WDR47: variants seen among roughly 807,000 people sequenced by gnomAD.
WDR47 encodes WD repeat domain 47.
WDR47 carries 32 observed loss-of-function variants against 97.2 expected under a neutral mutation model. That is an observed-to-expected ratio of 0.33 (90% CI 0.25 to 0.44). The LOEUF (loss-of-function observed/expected upper bound fraction) is 0.44. Among genes scored for constraint, WDR47 ranks in the 20% least tolerant of loss-of-function variants. WDR47 has a pLI of 1.00. For synonymous variants in WDR47, 375 were observed against 373.5 expected (o/e 1.00, Z -0.05); for missense variants, 782 against 1,102.3 (o/e 0.71, Z 4.11).
Position 108,971,479 on chromosome 1 carries a change from AG to A in WDR47, c.2710del (p.Leu904CysfsTer37). On this transcript the variant is annotated frameshift_variant, in exon 15 of 15. Transcript: ENST00000369962. LOFTEE classifies it high-confidence loss of function. ...GACAGTTCTATCTGCAGAGGATGAC[AG>A]GAAGGAAAGATCCTGGGTGTGCCAT... Reference protein sequence around the residue: ...CRWHTQDLSFLSSSADRTVTL... With the variant: ...CRWHTQDLSFXSSSADRTVTL... The A allele has an allele frequency of 6.2e-7, 1 of 1,614,224 alleles. No homozygotes were observed. Among genetic ancestry groups the A allele is most frequent in the Non-Finnish European group, 8.5e-7 (1 of 1,180,044 alleles).
Position 108,980,187 on chromosome 1 carries a change from G to A in WDR47, c.2398+1546C>T, listed in dbSNP as rs552158454. Among the ~76,000 whole-genome samples, 76 of 151,974 alleles carry A rather than the reference G, an allele frequency of 5.0e-4. 1 individual carries two copies. Among genetic ancestry groups the A allele is most frequent in the African/African-American group, 1.0e-3 (42 of 41,418 alleles). ...TCCTGGTGGGTGCCAAAAAGGTTGC[G>A]GACTGCTGCCTTAAACTGTCATATA... On this transcript the variant is annotated intron_variant, in intron 13 of 14. Coordinates refer to ENST00000369962, the MANE Select transcript of WDR47 (RefSeq NM_001142551.2).
At chr1:109,008,218 A>C (rs1041659541) in intron 5 of WDR47, among the ~76,000 whole-genome samples, 1 of 152,108 alleles carries the variant, frequency 6.6e-6, no homozygotes, top group African/African-American at 2.4e-5. Context: ...TCTCTCCTCT[A>C]TAATCTCAGA....
At chr1:109,017,275 C>T (rs1394730204) in intron 3 of WDR47, among the ~76,000 whole-genome samples, 2 of 152,020 alleles carry the variant, frequency 1.3e-5, no homozygotes, top group African/African-American at 4.8e-5. Flanking sequence ...ATGGTACACG[C>T]CTGTATAGTC....
Position 109,011,132 on chromosome 1 carries a change from G to A in WDR47, c.914C>T (p.Ala305Val). The change falls in exon 5 of 15, where the codon GCT becomes GTT. Residue 305 changes from alanine (A) to valine (V), a missense_variant. Physicochemically the swap from Ala to Val is moderately conservative, Grantham distance 64. This residue lies in a region of WDR47 where 428 missense variants were observed against 584.3 expected (regional missense o/e 0.73). Coordinates refer to ENST00000369962, the MANE Select transcript of WDR47 (RefSeq NM_001142551.2). Reference protein sequence around the residue: ...PSSPMRRPQSADAYMTRSLNP... With the variant: ...PSSPMRRPQSVDAYMTRSLNP... ...CAGAGAGCGGGTCATATAGGCATCA[G>A]CTGATTGAGGTCTTCTCATTGGGGA... 6.2e-7 allele frequency: 1 copy of A among 1,614,190 alleles called. No homozygotes were observed.
At chr1:108,983,626 A>G (rs1658519297) in intron 10 of WDR47, among the ~76,000 whole-genome samples, 175 bp from the exon 11 acceptor site, 1 of 152,296 alleles carries the variant, frequency 6.6e-6, no homozygotes, top group South Asian at 2.1e-4. Context: ...TAAAACCCAA[A>G]AAGTAAAATT....
intron 2 of WDR47, among the ~76,000 whole-genome samples, chr1:109,022,980 A>G (rs1571239175): frequency 6.6e-6 from 1 of 151,634 alleles, no homozygotes; most frequent in African/African-American, 2.4e-5. Context: ...CAAGGTGGGC[A>G]GATCACGAGG....
chr1:109,032,282 C>T (rs1412170383), intron 1 of WDR47, among the ~76,000 whole-genome samples: 1 of 134,144 alleles, frequency 7.5e-6, no homozygotes, highest in Non-Finnish European at 1.6e-5. Flanking sequence ...GAGGCGGAGG[C>T]GGGTGGATCT....
At position 108,971,321 on chromosome 1, in the gene WDR47, C is replaced by T. The variant is rs909025431; in HGVS notation, c.*109G>A. On this transcript the variant is annotated 3_prime_UTR_variant, in exon 15 of 15. Coordinates refer to ENST00000369962, the MANE Select transcript of WDR47 (RefSeq NM_001142551.2). The stretch of plus-strand genomic sequence containing the variant: ...GATACATGGTAATAAGGGGCCTCTT[C>T]GTGCTAAACCACTTTCCTGGACACT... 7.2e-5 allele frequency: 105 copies of T among 1,458,176 alleles called. No individual in the cohort carries two copies. Among genetic ancestry groups the T allele is most frequent in the Non-Finnish European group, 9.4e-5 (101 of 1,074,534 alleles). 90.3% of individuals were successfully genotyped at this position (1,458,176 alleles called of 1,614,324 possible).
At chr1:109,036,318 A>C (rs1259071274) in intron 1 of WDR47, among the ~76,000 whole-genome samples, 1 of 152,118 alleles carries the variant, frequency 6.6e-6, no homozygotes. Context: ...TCACATCTGT[A>C]ATCCCAGCAC....
chr1:109,003,660 C>T (rs767738560), intron 6 of WDR47, among the ~76,000 whole-genome samples: 3 of 152,088 alleles, frequency 2.0e-5, no homozygotes, highest in Non-Finnish European at 2.9e-5. Flanking sequence ...TGTGACACCA[C>T]GCCTGGCTGA....
At chr1:109,018,792 C>A (rs1191253798) in intron 2 of WDR47, among the ~76,000 whole-genome samples, 1 of 151,286 alleles carries the variant, frequency 6.6e-6, no homozygotes, top group Non-Finnish European at 1.5e-5. Context: ...CCAGCCTGGG[C>A]AACAGAGTGA....
chr1:108,993,916 A>T (rs772685577), intron 8 of WDR47, among the ~76,000 whole-genome samples: 20 of 152,360 alleles, frequency 1.3e-4, no homozygotes, highest in Non-Finnish European at 2.9e-4. Context: ...AAAAAGAAAT[A>T]TAATCATATG....
At chr1:109,025,527 A>G (rs1467152240) in intron 1 of WDR47, among the ~76,000 whole-genome samples, 1 of 151,516 alleles carries the variant, frequency 6.6e-6, no homozygotes, top group African/African-American at 2.4e-5. Flanking sequence ...TGAGATCAGG[A>G]GTTTGAGGCC....
Position 108,985,907 on chromosome 1 carries a change from C to T in WDR47, c.1925+616G>A, listed in dbSNP as rs181909515. On this transcript the variant is annotated intron_variant, in intron 10 of 14. Transcript: ENST00000369962. ...CAATTAACATGGACCTTATTATATT[C>T]CCTTTCCCAATCATTAAATGCTACC... Among the ~76,000 whole-genome samples the T allele has an allele frequency of 9.9e-5, 15 of 151,522 alleles. No homozygotes were observed. The East Asian group carries it at 2.9e-3, about 29-fold the overall frequency.
intron 1 of WDR47, among the ~76,000 whole-genome samples, chr1:109,032,294 G>A (rs1430887024): frequency 2.2e-5 from 3 of 133,954 alleles, no homozygotes; most frequent in Non-Finnish European, 3.3e-5. Flanking sequence ...GGTGGATCTC[G>A]AGGTCAGATC....
intron 2 of WDR47, among the ~76,000 whole-genome samples, chr1:109,021,428 T>C (rs1466469635): frequency 1.3e-5 from 2 of 148,366 alleles, no homozygotes. Flanking sequence ...CCTGGGAGGC[T>C]AAGGCGAGAG....
chr1:108,980,086 G>C (rs989989382), intron 13 of WDR47, among the ~76,000 whole-genome samples: 2 of 152,158 alleles, frequency 1.3e-5, no homozygotes, highest in African/African-American at 2.4e-5. Context: ...CTGATGATCT[G>C]CAGTGGTTTC....
intron 5 of WDR47, among the ~76,000 whole-genome samples, chr1:109,009,120 CAG>C (rs1297852315): frequency 2.6e-5 from 4 of 152,060 alleles, no homozygotes; most frequent in Non-Finnish European, 5.9e-5. Flanking sequence ...ATAAAAGAAA[CAG>C]AAATTCTGAG....
At chr1:108,977,131 A>C (rs1441300006) in intron 13 of WDR47, among the ~76,000 whole-genome samples, 2 of 152,140 alleles carry the variant, frequency 1.3e-5, no homozygotes, top group Non-Finnish European at 2.9e-5. Context: ...TGGTAGCAAT[A>C]AACAGGAAAA....
Sources: allele counts gnomAD v4.1 joint callset (sites outside exome capture counted in the v4.1 genomes callset), GRCh38; gene constraint gnomAD v4.1.1; regional missense constraint gnomAD v4.1.1; transcripts MANE v1.5; gene names NCBI Gene and HGNC (gene_info 2026-07-23, HGNC 2026-07-21).